The following ARHGDIG variants were observed in gnomAD, a reference collection of about 807,000 sequenced individuals.
The protein encoded by ARHGDIG is Rho GDP dissociation inhibitor gamma.
In ARHGDIG, 14 loss-of-function variants were observed where a neutral mutation model predicts 20.2. The ratio of observed to expected loss-of-function variants is 0.69; its 90% confidence interval spans 0.46 to 1.08. The LOEUF (loss-of-function observed/expected upper bound fraction) is 1.08. Ranked by LOEUF, ARHGDIG falls within the 50% of genes least tolerant of loss-of-function variation. The pLI is 0.00. For missense variants in ARHGDIG, 311 were observed against 301.8 expected (o/e 1.03, Z -0.23); for synonymous variants, 193 against 138.6 (o/e 1.39, Z -2.76).
Position 280,791 on chromosome 16 carries a change from C to A in ARHGDIG, c.73+38C>A. The A allele has an allele frequency of 8.1e-7, 1 of 1,238,528 alleles. No individual in the cohort carries two copies. Among genetic ancestry groups the A allele is most frequent in the South Asian group, 2.3e-5 (1 of 43,314 alleles). 76.7% of individuals were successfully genotyped at this position (1,238,528 alleles called of 1,614,324 possible). ...GGCAGGGGCGGGGGGCTCGGCTGGT[C>A]TCAGCCCCGGGCGGGGAGTAGCCCC... On this transcript the variant is annotated intron_variant, in intron 1 of 5. Transcript: ENST00000219409. The surrounding 1 kb of genome is among the most constrained non-coding windows in gnomAD (Gnocchi z 6.6).
rs1314030143 is a variant in ARHGDIG at position 282,113 on chromosome 16, C to G, written c.337+5C>G. 2.5e-6 allele frequency: 4 copies of G among 1,612,742 alleles called. No individual in the cohort carries two copies. The highest frequency in any genetic ancestry group is 2.2e-5 in the East Asian group (1 of 44,870). ...CCGTCGTCATGGATCTCACAGGTAACTCGCAGGATGCTGCACCCTGAACAC... is the reference window on the plus strand; with the variant it reads ...CCGTCGTCATGGATCTCACAGGTAAGTCGCAGGATGCTGCACCCTGAACAC... On this transcript the variant is annotated splice_donor_5th_base_variant and intron_variant, in intron 3 of 5. Transcript: ENST00000219409.
Position 282,310 on chromosome 16 carries a change from T to A in ARHGDIG, c.351T>A (p.Val117=). ...TTTCCCCAATAGGGGACCTGGCTGT[T>A]CTGAAGGACCAGGTGTTTGTCCTGA... ...VVMDLTGDLA[V]LKDQVFVLKE... The change falls in exon 4 of 6, where the codon GTT becomes GTA. Residue 117 remains valine, a synonymous_variant. Transcript: ENST00000219409. 1 of 1,613,286 alleles carries A rather than the reference T, an allele frequency of 6.2e-7. No individual in the cohort carries two copies. The highest frequency in any genetic ancestry group is 8.5e-7 in the Non-Finnish European group (1 of 1,179,932).
chr16:281,250 A>G, intron 1 of ARHGDIG: 1 of 155,482 alleles, frequency 6.4e-6, no homozygotes. Context: ...ACTGTGGGAA[A>G]GTGTTCAGAG....
rs531387216 is a variant in ARHGDIG at position 281,915 on chromosome 16, A to T, written c.243A>T (p.Pro81=). ...KYKRVLLGPL[P]PAVDPSLPNV... is the part of the protein sequence containing the mutation. ...AGCGGGTGCTGCTGGGGCCCCTGCC[A>T]CCGGCCGTGGGTATGGCAGGGGTCT... The change falls in exon 2 of 6, where the codon CCA becomes CCT. Residue 81 remains proline, a synonymous_variant. Coordinates refer to ENST00000219409, the MANE Select transcript of ARHGDIG (RefSeq NM_001176.4). 3 of 1,596,960 alleles carry T rather than the reference A, an allele frequency of 1.9e-6. No homozygotes were observed. Among genetic ancestry groups the T allele is most frequent in the Non-Finnish European group, 2.6e-6 (3 of 1,174,892 alleles).
chr16:282,914 C>G lies in ARHGDIG; in HGVS notation c.*100C>G, dbSNP rs1482819146. Reference sequence around the variant, plus strand: ...GAGTGACCAGACCCTCCCCTGCTGCCCCTGCTGCCCCTGCTGCCCCTGCTC... The same window carrying G: ...GAGTGACCAGACCCTCCCCTGCTGCGCCTGCTGCCCCTGCTGCCCCTGCTC... On this transcript the variant is annotated 3_prime_UTR_variant, in exon 6 of 6. Coordinates refer to ENST00000219409, the MANE Select transcript of ARHGDIG (RefSeq NM_001176.4). 8.7e-7 allele frequency: 1 copy of G among 1,155,798 alleles called. No individual in the cohort carries two copies. The highest frequency in any genetic ancestry group is 1.2e-6 in the Non-Finnish European group (1 of 838,170). 71.6% of individuals were successfully genotyped at this position (1,155,798 alleles called of 1,614,324 possible).
In ARHGDIG at chr16:282,367, C is replaced by A. The variant is rs767420406; in HGVS notation, c.408C>A (p.Ser136=). The A allele has an allele frequency of 1.9e-6, 3 of 1,611,192 alleles. No individual in the cohort carries two copies. The highest frequency in any genetic ancestry group is 1.7e-4 in the Middle Eastern group (1 of 6,010). The part of the protein sequence containing the change: ...KEGVDYRVKI[S]FKVHREIVSG... ...GTGTTGATTACAGAGTGAAGATCTC[C>A]TTCAAGGTGAGAGCCGGGGCAATGG... The change falls in exon 4 of 6, where the codon TCC becomes TCA. Residue 136 remains serine, a synonymous_variant. Coordinates refer to ENST00000219409, the MANE Select transcript of ARHGDIG (RefSeq NM_001176.4).
rs765465452 is a variant in ARHGDIG at position 282,383 on chromosome 16, G to C, written c.414+10G>C. 4 of 1,612,472 alleles carry C rather than the reference G, an allele frequency of 2.5e-6. No homozygotes were observed. In the South Asian group the frequency reaches 3.3e-5, roughly 13 times the overall value. The stretch of plus-strand genomic sequence containing the variant: ...GAAGATCTCCTTCAAGGTGAGAGCC[G>C]GGGCAATGGGCGGAGGGGATGGGGG... On this transcript the variant is annotated intron_variant, in intron 4 of 5. Transcript: ENST00000219409.
chr16:280,990 C>T lies in ARHGDIG; in HGVS notation c.73+237C>T, dbSNP rs1459212185. 4.7e-6 allele frequency: 1 copy of T among 214,546 alleles called. No homozygotes were observed. Among genetic ancestry groups the T allele is most frequent in the Non-Finnish European group, 9.6e-6 (1 of 103,812 alleles). The allele number at this position is 214,546 out of a possible 1,614,324, so 13.3% of individuals were successfully genotyped here. A position where few individuals can be genotyped will look rare whatever the true frequency, so the allele number is the denominator to read the frequency against. Reference sequence around the variant, plus strand: ...GCTGGGACCCTCTCCCCCTGGACACCGCCGCCTGGAGCCCCTCTGTCTTGG... The same window carrying T: ...GCTGGGACCCTCTCCCCCTGGACACTGCCGCCTGGAGCCCCTCTGTCTTGG... On this transcript the variant is annotated intron_variant, in intron 1 of 5. Coordinates refer to ENST00000219409, the MANE Select transcript of ARHGDIG (RefSeq NM_001176.4). This position sits in a 1 kb window ranked among gnomAD's most constrained non-coding sequence, Gnocchi z 6.6.
Position 280,895 on chromosome 16 carries a change from G to T in ARHGDIG, c.73+142G>T, listed in dbSNP as rs774194659. 1.1e-5 allele frequency: 4 copies of T among 372,102 alleles called. No homozygotes were observed. The allele number at this position is 372,102 out of a possible 1,614,324, so 23.1% of individuals were successfully genotyped here. A position where few individuals can be genotyped will look rare whatever the true frequency, so the allele number is the denominator to read the frequency against. On this transcript the variant is annotated intron_variant, in intron 1 of 5. Coordinates refer to ENST00000219409, the MANE Select transcript of ARHGDIG (RefSeq NM_001176.4). This position sits in a 1 kb window ranked among gnomAD's most constrained non-coding sequence, Gnocchi z 6.6. Reference sequence around the variant, plus strand: ...CGGCTGGGGTCTGGCAGGGGTGGGGGACTTCATCCAGGCTCCAGCCCTGTG... The same window carrying T: ...CGGCTGGGGTCTGGCAGGGGTGGGGTACTTCATCCAGGCTCCAGCCCTGTG...
At chr16:282,558 C>CGGGGGGGGGGGGGGAGGGGGG in intron 5 of ARHGDIG, 28 bp downstream of exon 5, 4 of 1,310,076 alleles carry the variant, frequency 3.1e-6, no homozygotes, top group Non-Finnish European at 2.0e-6. Flanking sequence ...GGGAACGGGG[C>CGGGGGGGGGGGGGGAGGGGGG]GGGGGGGGGA....
rs988822011 is a variant in ARHGDIG at position 280,651 on chromosome 16, GGCTCCGCGGC to G, written c.-27_-18del. The G allele has an allele frequency of 4.5e-4, 375 of 842,108 alleles. 1 individual carries two copies. In the African/African-American group the frequency reaches 9.6e-3, roughly 22 times the overall value. 52.2% of individuals were successfully genotyped at this position (842,108 alleles called of 1,614,324 possible). A position where few individuals can be genotyped will look rare whatever the true frequency, so the allele number is the denominator to read the frequency against. On this transcript the variant is annotated 5_prime_UTR_variant, in exon 1 of 6. Coordinates refer to ENST00000219409, the MANE Select transcript of ARHGDIG (RefSeq NM_001176.4). This position sits in a 1 kb window ranked among gnomAD's most constrained non-coding sequence, Gnocchi z 6.6. The stretch of plus-strand genomic sequence containing the variant: ...GCGGGGCGGGCGGCGGCTCCTCGGC[GGCTCCGCGGC>G]GCCCGGGCCGCGCGCCGCCATGCTG...
chr16:282,838 C>A lies in ARHGDIG; in HGVS notation c.*24C>A. The A allele has an allele frequency of 1.9e-6, 3 of 1,562,714 alleles. No homozygotes were observed. The highest frequency in any genetic ancestry group is 2.6e-6 in the Non-Finnish European group (3 of 1,159,100). Reference sequence around the variant, plus strand: ...GAACCCCCAGTCCGTGTCTCCCCTACCTCCCTCAGTTGTTGCACAGGGACC... The same window carrying A: ...GAACCCCCAGTCCGTGTCTCCCCTAACTCCCTCAGTTGTTGCACAGGGACC... On this transcript the variant is annotated 3_prime_UTR_variant, in exon 6 of 6. Transcript: ENST00000219409.
In ARHGDIG at chr16:281,786, C is replaced by CG. The variant is rs2052287148; in HGVS notation, c.115dup (p.Glu39GlyfsTer5). 1 of 1,609,380 alleles carries CG rather than the reference C, an allele frequency of 6.2e-7. No homozygotes were observed. ...AGGAGGGTGGGCCGCCGGCAGTGGA[C>CG]GAGGTGTTGGATGAGGCTGTGCCCG... On this transcript the variant is annotated frameshift_variant, in exon 2 of 6. Transcript: ENST00000219409. LOFTEE classifies it high-confidence loss of function.
rs2052303667 is a variant in ARHGDIG, at chr16:282,930, G to GCCCCTGCTC, written c.*117_*125dup. The GCCCCTGCTC allele has an allele frequency of 2.5e-5, 29 of 1,145,700 alleles. 1 individual carries two copies. The South Asian group carries it at 4.0e-4, about 16-fold the overall frequency. 71.0% of individuals were successfully genotyped at this position (1,145,700 alleles called of 1,614,324 possible). On this transcript the variant is annotated 3_prime_UTR_variant, in exon 6 of 6. Transcript: ENST00000219409. ...CCCTGCTGCCCCTGCTGCCCCTGCT[G>GCCCCTGCTC]CCCCTGCTCTGTCCCGGGACCCCCT...
At position 281,867 on chromosome 16, in the gene ARHGDIG, C is replaced by A. The variant is rs149498191; in HGVS notation, c.195C>A (p.Asp65Glu). 6.6e-5 allele frequency: 107 copies of A among 1,610,856 alleles called. No individual in the cohort carries two copies. The African/African-American group carries it at 1.4e-3, about 20-fold the overall frequency. Residue 65 changes from aspartate to glutamate, a missense_variant, in exon 2 of 6, where the codon GAC becomes GAA. Coordinates refer to ENST00000219409, the MANE Select transcript of ARHGDIG (RefSeq NM_001176.4). The stretch of plus-strand genomic sequence containing the variant: ...TGGAGATCCGGCAGCTGGACCCGGA[C>A]GACAGGAGCCTGGCCAAGTACAAGC... ...SLLEIRQLDP[D>E]DRSLAKYKRV...
Position 280,612 on chromosome 16 carries a change from C to T in ARHGDIG, c.-69C>T. On this transcript the variant is annotated 5_prime_UTR_variant, in exon 1 of 6. Coordinates refer to ENST00000219409, the MANE Select transcript of ARHGDIG (RefSeq NM_001176.4). The surrounding 1 kb of genome is among the most constrained non-coding windows in gnomAD (Gnocchi z 6.6). Reference sequence around the variant, plus strand: ...CCGCAGTCGCGCCGGGGCTGAGCGCCGAGCGGGGCGGCGGCGGGGCGGGCG... The same window carrying T: ...CCGCAGTCGCGCCGGGGCTGAGCGCTGAGCGGGGCGGCGGCGGGGCGGGCG... 1.3e-6 allele frequency: 1 copy of T among 771,316 alleles called. No homozygotes were observed. Among genetic ancestry groups the T allele is most frequent in the Non-Finnish European group, 1.6e-6 (1 of 638,314 alleles). The allele number at this position is 771,316 out of a possible 1,614,324, so 47.8% of individuals were successfully genotyped here. A position where few individuals can be genotyped will look rare whatever the true frequency, so the allele number is the denominator to read the frequency against.
chr16:282,559 G>T lies in ARHGDIG; in HGVS notation c.478+29G>T, dbSNP rs776603367. 1.2e-3 allele frequency: 173 copies of T among 147,096 alleles called. No homozygotes were observed. In the African/African-American group the frequency reaches 0.029, roughly 24 times the overall value. 9.1% of individuals were successfully genotyped at this position (147,096 alleles called of 1,614,324 possible). ...AGGGCAGCGGTGGGGGGAACGGGGC[G>T]GGGGGGGGAAGCGGGGGCAGACAGA... On this transcript the variant is annotated intron_variant, in intron 5 of 5. Coordinates refer to ENST00000219409, the MANE Select transcript of ARHGDIG (RefSeq NM_001176.4).
chr16:280,701 CGAGCTGGGGGCGCAGCTGCTG>C lies in ARHGDIG; in HGVS notation c.28_48del (p.Gly10_Leu16del). On this transcript the variant is annotated inframe_deletion, in exon 1 of 6. Transcript: ENST00000219409. This position sits in a 1 kb window ranked among gnomAD's most constrained non-coding sequence, Gnocchi z 6.6. ...CCGCCATGCTGGGCCTGGACGCGTG[CGAGCTGGGGGCGCAGCTGCTG>C]GAGCTGCTCCGGCTGGCGCTGTGCG... The C allele has an allele frequency of 8.0e-7, 1 of 1,245,636 alleles. No homozygotes were observed. The highest frequency in any genetic ancestry group is 1.0e-6 in the Non-Finnish European group (1 of 988,656). The allele number at this position is 1,245,636 out of a possible 1,614,324, so 77.2% of individuals were successfully genotyped here.
chr16:281,939 C>G lies in ARHGDIG; in HGVS notation c.253+14C>G, dbSNP rs1440609487. The stretch of plus-strand genomic sequence containing the variant: ...CACCGGCCGTGGGTATGGCAGGGGT[C>G]TAGGCTTGGAGGGCTGGGTCTGGGG... On this transcript the variant is annotated intron_variant, in intron 2 of 5. Coordinates refer to ENST00000219409, the MANE Select transcript of ARHGDIG (RefSeq NM_001176.4). 7 of 1,591,648 alleles carry G rather than the reference C, an allele frequency of 4.4e-6. No homozygotes were observed. In the East Asian group the frequency reaches 1.1e-4, roughly 26 times the overall value.
Sources: gnomAD v4.1 joint callset for allele counts on GRCh38, gnomAD v4.1.1 for gene constraint, Gnocchi (gnomAD v3.1) non-coding constraint, MANE v1.5 for transcripts, NCBI Gene and HGNC (gene_info 2026-07-23, HGNC 2026-07-21) for gene names.